The following EIF2AK3 variants were observed in gnomAD, a reference collection of about 807,000 sequenced individuals.
EIF2AK3 encodes the protein eukaryotic translation initiation factor 2 alpha kinase 3, also known as eukaryotic translation initiation factor 2-alpha kinase 3.
A neutral mutation model predicts 113.5 loss-of-function variants in EIF2AK3; 50 were observed. The ratio of observed to expected loss-of-function variants is 0.44; its 90% CI spans 0.35 to 0.56. EIF2AK3 has a LOEUF of 0.56. Ranked by LOEUF, EIF2AK3 falls within the 20% of genes least tolerant of loss-of-function variation. EIF2AK3 has a pLI of 0.00. For missense variants in EIF2AK3, 1,185 were observed against 1,378.0 expected (o/e 0.86, Z 2.22); for synonymous variants, 448 against 495.4 (o/e 0.90, Z 1.27).
intron 2 of EIF2AK3, among the ~76,000 whole-genome samples, chr2:88,601,757 C>T (rs1675152477): frequency 6.7e-6 from 1 of 150,332 alleles, no homozygotes; most frequent in Non-Finnish European, 1.5e-5. Context: ...GCTTGATGGC[C>T]TACTATTTCA....
intron 2 of EIF2AK3, among the ~76,000 whole-genome samples, chr2:88,610,009 C>A (rs1028550421): frequency 7.4e-5 from 11 of 148,596 alleles, no homozygotes; most frequent in Middle Eastern, 7.1e-3. Context: ...ATAGTCTTAG[C>A]CACTTAGGAG....
At chr2:88,593,243 A>G in intron 4 of EIF2AK3, 29 bp downstream of exon 4, 1 of 1,613,848 alleles carries the variant, frequency 6.2e-7, no homozygotes, top group Non-Finnish European at 8.5e-7. Flanking sequence ...TCTAAATAAT[A>G]CCAACAGCAA....
chr2:88,565,225 G>A (rs142510140), intron 14 of EIF2AK3, among the ~76,000 whole-genome samples: 134 of 151,712 alleles, frequency 8.8e-4, no homozygotes, highest in African/African-American at 3.1e-3. Flanking sequence ...CAGTAGAGAC[G>A]GGGTTTCACC....
intron 14 of EIF2AK3, among the ~76,000 whole-genome samples, chr2:88,568,061 C>T (rs372853618): frequency 2.0e-5 from 3 of 151,828 alleles, no homozygotes; most frequent in Non-Finnish European, 2.9e-5. Context: ...CCTTCAAAGA[C>T]GAAATACAAA....
At chr2:88,601,027 A>G (rs1675136486) in intron 2 of EIF2AK3, among the ~76,000 whole-genome samples, 1 of 152,224 alleles carries the variant, frequency 6.6e-6, no homozygotes, top group African/African-American at 2.4e-5. Flanking sequence ...ACATTTTGCC[A>G]ACTGTTTCAT....
chr2:88,619,950 C>T (rs1009608472), intron 1 of EIF2AK3, among the ~76,000 whole-genome samples: 16 of 111,568 alleles, frequency 1.4e-4, no homozygotes, highest in African/African-American at 4.0e-4. Context: ...AGCGAGACTC[C>T]GTCTCAAAAA....
chr2:88,558,851 C>T (rs1673858607), intron 16 of EIF2AK3, 66 bp downstream of exon 16: 1 of 1,304,876 alleles, frequency 7.7e-7, no homozygotes, highest in Non-Finnish European at 1.1e-6. Flanking sequence ...ACTGAGTCGA[C>T]TGCTAAGGAC....
In EIF2AK3 at chr2:88,587,861, A is replaced by G. The variant is rs2104433358; in HGVS notation, c.1429+121T>C. 1.6e-5 allele frequency: 11 copies of G among 686,882 alleles called. No individual in the cohort carries two copies. The South Asian group carries it at 2.2e-4, about 14-fold the overall frequency. The allele number at this position is 686,882 out of a possible 1,614,324, so 42.5% of individuals were successfully genotyped here. ...TTTGGAGCTTGTATGCTTAGTAATCATTCATGAAATTGTCTCCCAAGATGT... is the reference window on the plus strand; with the variant it reads ...TTTGGAGCTTGTATGCTTAGTAATCGTTCATGAAATTGTCTCCCAAGATGT... On this transcript the variant is annotated intron_variant, in intron 8 of 16. Transcript: ENST00000303236.
chr2:88,607,547 C>CACAATTCAT (rs1462212848), intron 2 of EIF2AK3, among the ~76,000 whole-genome samples: 1 of 152,154 alleles, frequency 6.6e-6, no homozygotes, highest in Non-Finnish European at 1.5e-5. Context: ...TCCCAAGGTA[C>CACAATTCAT]ACAATTCATA....
Position 88,627,325 on chromosome 2 carries a change from C to G in EIF2AK3, c.-51G>C, listed in dbSNP as rs1018089199. ...TGGAGGCGCAGCCACTGACGCCTGC[C>G]TCTCCCGCCGCTTGGAGCTCCCAAG... On this transcript the variant is annotated 5_prime_UTR_variant, in exon 1 of 17. Transcript: ENST00000303236. 18 of 1,439,436 alleles carry G rather than the reference C, an allele frequency of 1.3e-5. No individual in the cohort carries two copies. Among genetic ancestry groups the G allele is most frequent in the Non-Finnish European group, 1.5e-5 (17 of 1,097,492 alleles). 89.2% of individuals were successfully genotyped at this position (1,439,436 alleles called of 1,614,324 possible).
intron 2 of EIF2AK3, among the ~76,000 whole-genome samples, chr2:88,610,563 A>G (rs1045105027): frequency 6.6e-6 from 1 of 152,242 alleles, no homozygotes; most frequent in African/African-American, 2.4e-5. Flanking sequence ...AATCAAAACA[A>G]CAATGCAATA....
chr2:88,588,969 A>T, intron 6 of EIF2AK3, 68 bp from the exon 7 acceptor site: 1 of 1,531,162 alleles, frequency 6.5e-7, no homozygotes, highest in East Asian at 2.4e-5. Context: ...ATTAAATAAA[A>T]TTACATTAAT....
rs1674880473 is a variant in EIF2AK3 at position 88,591,161 on chromosome 2, AAACT to A, written c.768-113_768-110del. 2.8e-5 allele frequency: 28 copies of A among 1,001,150 alleles called. No individual in the cohort carries two copies. The South Asian group carries it at 3.7e-4, about 13-fold the overall frequency. The allele number at this position is 1,001,150 out of a possible 1,614,324, so 62.0% of individuals were successfully genotyped here. A position where few individuals can be genotyped will look rare whatever the true frequency, so the allele number is the denominator to read the frequency against. On this transcript the variant is annotated intron_variant, in intron 4 of 16. Transcript: ENST00000303236. ...CAAATACTAAAATTATGTGATGAGA[AAACT>A]AACAACATAACCTTCTGGAAAAGAG...
At chr2:88,573,700 AC>A (rs1212080181) in intron 13 of EIF2AK3, among the ~76,000 whole-genome samples, 1 of 152,188 alleles carries the variant, frequency 6.6e-6, no homozygotes, top group Admixed American at 6.5e-5. Context: ...TATTCTTGTT[AC>A]CCTAAAACTC....
chr2:88,591,300 T>G (rs1674883892), intron 4 of EIF2AK3, among the ~76,000 whole-genome samples: 2 of 152,176 alleles, frequency 1.3e-5, no homozygotes, highest in Non-Finnish European at 2.9e-5. Flanking sequence ...TTACAACAGC[T>G]AAGGGACAGA....
In EIF2AK3 at chr2:88,590,600, A is replaced by G; in HGVS notation, c.1008T>C (p.Cys336=). 1.2e-6 allele frequency: 2 copies of G among 1,612,594 alleles called. No homozygotes were observed. The highest frequency in any genetic ancestry group is 1.7e-6 in the Non-Finnish European group (2 of 1,179,842). ...GTAACCAGGCAGATGCAATTGGAGT[A>G]CAAAACTAAACAAAAATGGAAAAAA... is the stretch of plus-strand genomic sequence containing the variant. ...GGHLEWEYQF[C]TPIASAWLLK... is the part of the protein sequence containing the mutation. Residue 336 remains cysteine, a synonymous_variant, in exon 6 of 17, where the codon TGT becomes TGC. Transcript: ENST00000303236.
intron 12 of EIF2AK3, 93 bp downstream of exon 12, chr2:88,576,460 CT>C: frequency 1.9e-6 from 3 of 1,551,222 alleles, no homozygotes; most frequent in Non-Finnish European, 1.7e-6. Flanking sequence ...TGTTCCTTTT[CT>C]TTAAAAAAAA....
intron 1 of EIF2AK3, among the ~76,000 whole-genome samples, chr2:88,621,735 A>G (rs1675730345): frequency 6.6e-6 from 1 of 152,140 alleles, no homozygotes; most frequent in South Asian, 2.1e-4. Flanking sequence ...CAAATATATC[A>G]AAAATTACCA....
intron 2 of EIF2AK3, among the ~76,000 whole-genome samples, chr2:88,612,491 T>G (rs1675480472): frequency 6.6e-6 from 1 of 152,234 alleles, no homozygotes; most frequent in Non-Finnish European, 1.5e-5. Context: ...TATTAATAAT[T>G]CATAATACAA....
Sources: gnomAD v4.1 joint callset for allele counts (sites outside exome capture counted in the v4.1 genomes callset) on GRCh38, gnomAD v4.1.1 for gene constraint, MANE v1.5 for transcripts, NCBI Gene and HGNC (gene_info 2026-07-23, HGNC 2026-07-21) for gene names.